Variants in SV2C observed in about 807,000 individuals in gnomAD.
The protein encoded by SV2C is solute carrier family 22 member B3.
A neutral mutation model predicts 79.7 loss-of-function variants in SV2C; 49 were observed. That is an observed-to-expected ratio of 0.61 (90% CI 0.49 to 0.78). The LOEUF (loss-of-function observed/expected upper bound fraction) is 0.78. SV2C is among the 30% of genes least tolerant of loss of function. The probability of loss-of-function intolerance (pLI) is 0.00; values close to 1 mark genes in which losing one functional copy is unlikely to be tolerated. For synonymous variants in SV2C, 334 were observed against 333.2 expected (o/e 1.00, Z -0.03); for missense variants, 833 against 912.9 (o/e 0.91, Z 1.13).
At chr5:75,996,762 C>T in the SV2C span, among the ~76,000 whole-genome samples, 1 of 151,470 alleles carries the variant, frequency 6.6e-6, no homozygotes, top group East Asian at 1.9e-4. Flanking sequence ...AATGGGAGTT[C>T]GCTCATGATT....
chr5:75,971,619 G>A, the SV2C span, among the ~76,000 whole-genome samples: 1 of 152,056 alleles, frequency 6.6e-6, no homozygotes, highest in Non-Finnish European at 1.5e-5. Flanking sequence ...AACTTACAAG[G>A]GACATGAATG....
At chr5:76,235,667 C>T (rs550903017) in intron 4 of SV2C, among the ~76,000 whole-genome samples, 52 of 150,726 alleles carry the variant, frequency 3.4e-4, no homozygotes, top group African/African-American at 1.2e-3. Flanking sequence ...ATGGCCTTTG[C>T]TTAGTGCAAT....
chr5:75,930,895 A>T, the SV2C span, among the ~76,000 whole-genome samples: 1 of 152,148 alleles, frequency 6.6e-6, no homozygotes, highest in East Asian at 1.9e-4. Flanking sequence ...GCACTTTGGG[A>T]GGCTGAAGTG....
At chr5:75,871,549 C>A in the SV2C span, among the ~76,000 whole-genome samples, 1 of 152,124 alleles carries the variant, frequency 6.6e-6, no homozygotes, top group South Asian at 2.1e-4. Flanking sequence ...GTGGCTCATG[C>A]CTGTAATCCC....
the SV2C span, among the ~76,000 whole-genome samples, chr5:75,864,959 T>C: frequency 6.6e-6 from 1 of 152,078 alleles, no homozygotes; most frequent in African/African-American, 2.4e-5. Flanking sequence ...CACTGAAGTG[T>C]TGGAGGTGTT....
chr5:76,271,517 A>G (rs1034970687), intron 4 of SV2C, among the ~76,000 whole-genome samples: 2 of 152,078 alleles, frequency 1.3e-5, no homozygotes, highest in Non-Finnish European at 2.9e-5. Context: ...AGGGTACACA[A>G]TCTTTTGGAG....
intron 4 of SV2C, among the ~76,000 whole-genome samples, chr5:76,282,252 T>C (rs1376392439): frequency 1.3e-5 from 2 of 152,310 alleles, no homozygotes; most frequent in Admixed American, 1.3e-4. Flanking sequence ...AATAAGCAGA[T>C]TGACATAATA....
chr5:75,949,862 G>A, the SV2C span, among the ~76,000 whole-genome samples: 2 of 152,002 alleles, frequency 1.3e-5, no homozygotes, highest in Non-Finnish European at 2.9e-5. Flanking sequence ...TTGTGGTGGA[G>A]GTGTTAAAGA....
intron 1 of SV2C, among the ~76,000 whole-genome samples, chr5:76,111,536 T>A (rs1748097159): frequency 6.6e-6 from 1 of 152,032 alleles, no homozygotes; most frequent in Non-Finnish European, 1.5e-5. Flanking sequence ...GACCTATGGG[T>A]CTGTTATAAT....
At chr5:76,204,889 A>G (rs1488862970) in intron 3 of SV2C, among the ~76,000 whole-genome samples, 5 of 152,194 alleles carry the variant, frequency 3.3e-5, no homozygotes, top group African/African-American at 9.6e-5. Flanking sequence ...CAGGCTTCCC[A>G]GTTTCCCAAT....
downstream of SV2C, among the ~76,000 whole-genome samples, chr5:76,336,535 G>A (rs1263367640): frequency 6.6e-6 from 1 of 152,194 alleles, no homozygotes; most frequent in Non-Finnish European, 1.5e-5. Flanking sequence ...GGGAGGCCAA[G>A]GCAGGCGGCT....
At chr5:76,120,655 A>C (rs2112160203) in intron 1 of SV2C, among the ~76,000 whole-genome samples, 1 of 149,810 alleles carries the variant, frequency 6.7e-6, no homozygotes, top group Middle Eastern at 3.4e-3. Flanking sequence ...ACTGAGAATG[A>C]TGATTTCCAA....
chr5:76,331,521 G>C lies in SV2C; in HGVS notation c.*5974G>C, dbSNP rs1431756685. 1 of 152,174 alleles carries C rather than the reference G, an allele frequency of 6.6e-6. No individual in the cohort carries two copies. The highest frequency in any genetic ancestry group is 1.5e-5 in the Non-Finnish European group (1 of 68,072). The allele number at this position is 152,174 out of a possible 1,614,324, so 9.4% of individuals were successfully genotyped here. On this transcript the variant is annotated 3_prime_UTR_variant, in exon 13 of 13. Transcript: ENST00000502798. ...TCTTGAAGTTGCAAAGGATGTTTGGGGTTCTAGGGCCTGCAGGGGGGCAGA... is the reference window on the plus strand; with the variant it reads ...TCTTGAAGTTGCAAAGGATGTTTGGCGTTCTAGGGCCTGCAGGGGGGCAGA...
intron 1 of SV2C, among the ~76,000 whole-genome samples, chr5:76,123,034 G>A (rs1162722807): frequency 6.6e-6 from 1 of 151,778 alleles, no homozygotes; most frequent in Non-Finnish European, 1.5e-5. Flanking sequence ...ATGATAAAGG[G>A]GATATGGGAT....
At chr5:76,059,005 C>T in the SV2C span, among the ~76,000 whole-genome samples, 1 of 151,928 alleles carries the variant, frequency 6.6e-6, no homozygotes, top group African/African-American at 2.4e-5. Flanking sequence ...TTTTGGTCTC[C>T]CAGTGCATAT....
At chr5:76,048,965 G>GAGAAAGAATGAA in the SV2C span, among the ~76,000 whole-genome samples, 2 of 58,164 alleles carry the variant, frequency 3.4e-5, no homozygotes, top group African/African-American at 1.4e-4. Flanking sequence ...GAAAGAAAAA[G>GAGAAAGAATGAA]AGAAAGAAAG....
At chr5:76,139,848 T>G (rs1749194116) in intron 2 of SV2C, among the ~76,000 whole-genome samples, 2 of 71,950 alleles carry the variant, frequency 2.8e-5, no homozygotes, top group African/African-American at 7.2e-5. Context: ...TTAGAAGCTC[T>G]TGAAAGTATT....
the SV2C span, among the ~76,000 whole-genome samples, chr5:76,056,807 A>G: frequency 1.3e-5 from 2 of 151,758 alleles, no homozygotes; most frequent in Non-Finnish European, 2.9e-5. Context: ...AGGTGTTTAT[A>G]ATATTCTCTG....
At chr5:75,909,684 A>G in the SV2C span, among the ~76,000 whole-genome samples, 1 of 152,330 alleles carries the variant, frequency 6.6e-6, no homozygotes, top group Non-Finnish European at 1.5e-5. Context: ...ATTTCTCTTT[A>G]ATTCTCATTT....
Sources: allele counts gnomAD v4.1 joint callset (sites outside exome capture counted in the v4.1 genomes callset), GRCh38; gene constraint gnomAD v4.1.1; transcripts MANE v1.5; gene names NCBI Gene and HGNC (gene_info 2026-07-23, HGNC 2026-07-21).